The following NEBL variants were observed in gnomAD, a reference collection of about 807,000 sequenced individuals.
NEBL encodes LIM and SH3 protein 2.
A neutral mutation model predicts 140.2 loss-of-function variants in NEBL; 122 were observed. The ratio of observed to expected loss-of-function variants is 0.87; its 90% CI spans 0.75 to 1.01. The LOEUF is 1.01. Among genes scored for constraint, NEBL ranks in the 50% least tolerant of loss-of-function variants. The pLI, the probability that NEBL is intolerant of heterozygous loss-of-function variation, is 0.00. For synonymous variants in NEBL, 436 were observed against 398.9 expected, an observed-to-expected ratio of 1.09 and a Z score of -1.11; for missense variants, 1,365 against 1,231.3, an observed-to-expected ratio of 1.11 and a Z score of -1.62.
intron 2 of NEBL, among the ~76,000 whole-genome samples, chr10:20,890,275 T>C (rs1006310522): frequency 3.9e-5 from 6 of 152,194 alleles, no homozygotes; most frequent in Non-Finnish European, 7.3e-5. Flanking sequence ...CTCCTACAAG[T>C]GTCCTGGTGT....
At chr10:21,030,432 A>G (rs1833732351) in intron 2 of NEBL, 1 of 648,500 alleles carries the variant, frequency 1.5e-6, no homozygotes, top group African/African-American at 1.8e-5. Flanking sequence ...AAGGAGGAAG[A>G]CTGTCACTCT....
At chr10:21,162,457 C>T (rs1840595069) in intron 2 of NEBL, among the ~76,000 whole-genome samples, 1 of 152,146 alleles carries the variant, frequency 6.6e-6, no homozygotes, top group Admixed American at 6.5e-5. Context: ...GGATCTGTGC[C>T]CTTCATTTGC....
chr10:21,283,135 CAAAAAAAAA>C (rs35005779), intron 1 of NEBL, among the ~76,000 whole-genome samples: 2 of 121,432 alleles, frequency 1.6e-5, no homozygotes, highest in South Asian at 2.7e-4. Flanking sequence ...GACTGTGTCT[CAAAAAAAAA>C]AAAAAAAAAA....
At chr10:20,796,524 T>G (rs1431647983) in intron 26 of NEBL, among the ~76,000 whole-genome samples, 1 of 152,108 alleles carries the variant, frequency 6.6e-6, no homozygotes, top group Non-Finnish European at 1.5e-5. Flanking sequence ...ATCAGTACAT[T>G]TTGATTTTGA....
Position 21,120,393 on chromosome 10 carries a change from CATATATATATATATATAT to C in NEBL, c.164+51972_164+51989del, listed in dbSNP as rs1201775144. Among the ~76,000 whole-genome samples, 527 of 59,550 alleles carry C rather than the reference CATATATATATATATATAT, an allele frequency of 8.8e-3. 21 individuals carry two copies. The highest frequency in any genetic ancestry group is 0.06 in the African/African-American group (499 of 8,280). 39.1% of individuals were successfully genotyped at this position (59,550 alleles called of 152,430 possible). ...GTGTCTCAAAAAAAAAAAAAAAATACATATATATATATATATATATATATATATATAAATTTGATCACT... is the reference window on the plus strand; with the variant it reads ...GTGTCTCAAAAAAAAAAAAAAAATACATATATATATATAAATTTGATCACT... On this transcript the variant is annotated intron_variant, in intron 2 of 6. Transcript: ENST00000417816.
intron 2 of NEBL, among the ~76,000 whole-genome samples, chr10:21,125,516 A>G (rs1400931156): frequency 6.6e-6 from 1 of 152,224 alleles, no homozygotes; most frequent in African/African-American, 2.4e-5. Context: ...TTCCTGCTAA[A>G]TAAAGCCTCA....
chr10:21,020,240 T>C, intron 2 of NEBL: 2 of 1,558,618 alleles, frequency 1.3e-6, no homozygotes, highest in Non-Finnish European at 1.8e-6. Context: ...ATTAAAATAT[T>C]GTGCTACAAA....
At chr10:20,986,931 AC>A (rs1461790448) in intron 3 of NEBL, among the ~76,000 whole-genome samples, 1 of 151,852 alleles carries the variant, frequency 6.6e-6, no homozygotes, top group Non-Finnish European at 1.5e-5. Context: ...TTAGCACAGA[AC>A]CCCCAACACC....
intron 2 of NEBL, among the ~76,000 whole-genome samples, chr10:21,131,197 T>G (rs1366712178): frequency 6.6e-6 from 1 of 152,118 alleles, no homozygotes; most frequent in Non-Finnish European, 1.5e-5. Flanking sequence ...CAAGAGGAAA[T>G]AGACAATCTG....
intron 20 of NEBL, 133 bp downstream of exon 20, chr10:20,819,291 C>T (rs1839040045): frequency 3.5e-6 from 5 of 1,411,648 alleles, no homozygotes; most frequent in South Asian, 1.2e-5. Context: ...TCATTTAGCT[C>T]TCATTATTAT....
chr10:20,969,556 T>C (rs1488273527), intron 3 of NEBL, among the ~76,000 whole-genome samples: 1 of 147,022 alleles, frequency 6.8e-6, no homozygotes, highest in Admixed American at 6.7e-5. Context: ...TTTTTTTTTT[T>C]TTTTTTTGAG....
intron 3 of NEBL, among the ~76,000 whole-genome samples, chr10:21,002,221 A>G (rs1240765795): frequency 6.6e-6 from 1 of 151,912 alleles, no homozygotes; most frequent in Non-Finnish European, 1.5e-5. Flanking sequence ...TTACAGTAAT[A>G]TTACTAACAT....
chr10:20,837,371 C>T (rs867075655), intron 13 of NEBL, among the ~76,000 whole-genome samples: 5 of 152,130 alleles, frequency 3.3e-5, no homozygotes, highest in Admixed American at 6.5e-5. Context: ...GACACAACAT[C>T]CCCTTAAACC....
Position 21,172,419 on chromosome 10 carries a change from T to C in NEBL, c.128A>G (p.Asn43Ser), listed in dbSNP as rs35995810. The stretch of plus-strand genomic sequence containing the variant: ...GGGCTTCTTTTCATAGCCTTTGTAG[T>C]TGTTCATGTTGAGTGCCATCTTGCA... Residue 43 changes from asparagine (N) to serine (S), a missense_variant, in exon 2 of 7, where the codon AAC becomes AGC. By Grantham distance (46) the Asn-to-Ser change is conservative. Transcript: ENST00000417816. The C allele has an allele frequency of 3.1e-6, 5 of 1,613,992 alleles. No individual in the cohort carries two copies. In the East Asian group the frequency reaches 8.9e-5, roughly 29 times the overall value.
At position 21,264,696 on chromosome 10, in the gene NEBL, TAAAAAAAAAAAAAAAAAAAAAA is replaced by T. The variant is rs71392177; in HGVS notation, n.183-12890_183-12869del. Among the ~76,000 whole-genome samples the T allele has an allele frequency of 1.3e-4, 4 of 30,726 alleles. 1 individual carries two copies. The East Asian group carries it at 4.0e-3, about 31-fold the overall frequency. 20.2% of individuals were successfully genotyped at this position (30,726 alleles called of 152,430 possible). ...CCCTTAATTTGTTCCAGTTGCTATT[TAAAAAAAAAAAAAAAAAAAAAA>T]AAAAAAAAAAAAAAAGCCTTACACT... is the stretch of plus-strand genomic sequence containing the variant. On this transcript the variant is annotated intron_variant and non_coding_transcript_variant, in intron 1 of 8. Transcript: ENST00000675702.
At chr10:20,817,993 C>T (rs867031054) in intron 20 of NEBL, among the ~76,000 whole-genome samples, 14 of 152,098 alleles carry the variant, frequency 9.2e-5, no homozygotes, top group African/African-American at 2.2e-4. Flanking sequence ...TTAAAAGAAA[C>T]GCCAGAATGA....
At chr10:21,065,282 T>C (rs903261768) in intron 2 of NEBL, among the ~76,000 whole-genome samples, 2 of 152,232 alleles carry the variant, frequency 1.3e-5, no homozygotes, top group African/African-American at 4.8e-5. Context: ...AGTTTTCTGA[T>C]GAACACACTT....
At chr10:20,912,985 C>T (rs1662624761) in intron 4 of NEBL, among the ~76,000 whole-genome samples, 1 of 150,762 alleles carries the variant, frequency 6.6e-6, no homozygotes. Flanking sequence ...TGGTTTCAAG[C>T]TCCTGGCCTC....
intron 3 of NEBL, among the ~76,000 whole-genome samples, chr10:20,990,937 C>G (rs1222260942): frequency 6.6e-6 from 1 of 152,166 alleles, no homozygotes; most frequent in Admixed American, 6.5e-5. Flanking sequence ...TCTTCCTGCC[C>G]CACTACTCAG....
Sources: allele counts gnomAD v4.1 joint callset (sites outside exome capture counted in the v4.1 genomes callset), GRCh38; gene constraint gnomAD v4.1.1; transcripts MANE v1.5; gene names NCBI Gene and HGNC (gene_info 2026-07-23, HGNC 2026-07-21).